Variants in ABI3BP observed in about 807,000 individuals in gnomAD.
The protein encoded by ABI3BP is ABI family member 3 binding protein, also known as target of Nesh-SH3.
Under a neutral mutation model 268.6 loss-of-function variants are expected in ABI3BP, and 216 were observed. The ratio of observed to expected loss-of-function variants is 0.80; its 90% CI spans 0.72 to 0.90. ABI3BP has a LOEUF of 0.90. Ranked by LOEUF, ABI3BP falls within the 40% of genes least tolerant of loss-of-function variation. ABI3BP has a pLI of 0.00. For synonymous variants in ABI3BP, 730 were observed against 730.0 expected, an observed-to-expected ratio of 1.00 and a Z score of 0.00; for missense variants, 2,090 against 2,182.4, an observed-to-expected ratio of 0.96 and a Z score of 0.84.
In ABI3BP at chr3:100,822,584, T is replaced by G; in HGVS notation, c.2887+5A>C. On this transcript the variant is annotated splice_donor_5th_base_variant and intron_variant, in intron 38 of 67. Coordinates refer to ENST00000471714, the MANE Select transcript of ABI3BP (RefSeq NM_001375547.2). Reference sequence around the variant, plus strand: ...GACTCTTTAAACCAGGAACACATAGTTTACCTGGTTTGGATTCAGGTGCTT... The same window carrying G: ...GACTCTTTAAACCAGGAACACATAGGTTACCTGGTTTGGATTCAGGTGCTT... 1.3e-6 allele frequency: 2 copies of G among 1,536,070 alleles called. No individual in the cohort carries two copies. Among genetic ancestry groups the G allele is most frequent in the Non-Finnish European group, 1.7e-6 (2 of 1,146,536 alleles).
At chr3:100,876,714 T>C (rs186846178) in intron 6 of ABI3BP, among the ~76,000 whole-genome samples, 154 bp from the exon 7 acceptor site, 1 of 152,076 alleles carries the variant, frequency 6.6e-6, no homozygotes, top group East Asian at 1.9e-4. Context: ...GCGTGGTGGC[T>C]CACACCTGTA....
chr3:100,816,221 T>TA (rs2098038195), intron 43 of ABI3BP: 5 of 485,750 alleles, frequency 1.0e-5, no homozygotes, highest in Middle Eastern at 5.5e-4. Context: ...TTCCTAGGTA[T>TA]TTGGTTTTCT....
chr3:100,834,063 T>G (rs2098538046), intron 29 of ABI3BP, among the ~76,000 whole-genome samples: 3 of 152,156 alleles, frequency 2.0e-5, no homozygotes, highest in Admixed American at 2.0e-4. Flanking sequence ...CTCGACTTCC[T>G]GGGCTCAAGC....
At chr3:100,843,671 A>C in intron 20 of ABI3BP, 1 of 984,584 alleles carries the variant, frequency 1.0e-6, no homozygotes, top group Non-Finnish European at 1.2e-6. Context: ...TGTGTAAGGG[A>C]GTGCATGTAT....
intron 23 of ABI3BP, 34 bp downstream of exon 23, chr3:100,840,038 T>C (rs776256160): frequency 8.1e-5 from 123 of 1,509,330 alleles, no homozygotes; most frequent in Non-Finnish European, 1.2e-5. Flanking sequence ...TATTCCACTT[T>C]CTATGTTAAT....
rs138742944 is a variant in ABI3BP at position 100,940,411 on chromosome 3, C to T, written c.80-13930G>A. Among the ~76,000 whole-genome samples, 568 of 152,112 alleles carry T rather than the reference C, an allele frequency of 3.7e-3. 4 individuals are homozygous for T. Among genetic ancestry groups the T allele is most frequent in the African/African-American group, 0.013 (535 of 41,514 alleles). Reference sequence around the variant, plus strand: ...CTTCTGCCATGACTTCAGCCGGTCCCTCCGTTTGGGATCCCTGACTTCCCG... The same window carrying T: ...CTTCTGCCATGACTTCAGCCGGTCCTTCCGTTTGGGATCCCTGACTTCCCG... On this transcript the variant is annotated intron_variant, in intron 1 of 67. Coordinates refer to ENST00000471714, the MANE Select transcript of ABI3BP (RefSeq NM_001375547.2).
intron 1 of ABI3BP, among the ~76,000 whole-genome samples, chr3:100,943,773 T>C (rs2070711067): frequency 6.6e-6 from 1 of 152,128 alleles, no homozygotes; most frequent in Middle Eastern, 3.2e-3. Context: ...AGATAGTTAT[T>C]AAAGCCAACA....
intron 1 of ABI3BP, among the ~76,000 whole-genome samples, chr3:100,977,369 C>A (rs926531036): frequency 4.6e-5 from 7 of 152,188 alleles, no homozygotes; most frequent in Non-Finnish European, 5.9e-5. Flanking sequence ...TTGGGAGGAG[C>A]TGAACTGGGC....
chr3:100,796,113 G>A (rs1161585051), intron 52 of ABI3BP, among the ~76,000 whole-genome samples: 1 of 151,942 alleles, frequency 6.6e-6, no homozygotes, highest in African/African-American at 2.4e-5. Flanking sequence ...TACATCCATA[G>A]TTGTAATGTA....
chr3:100,784,493 A>C (rs2096965168), intron 57 of ABI3BP, among the ~76,000 whole-genome samples: 2 of 152,220 alleles, frequency 1.3e-5, no homozygotes, highest in Admixed American at 1.3e-4. Context: ...AACTAATAGT[A>C]GAACTACCAT....
intron 55 of ABI3BP, among the ~76,000 whole-genome samples, chr3:100,789,863 C>T (rs1476541888): frequency 6.6e-6 from 1 of 151,918 alleles, no homozygotes; most frequent in African/African-American, 2.4e-5. Context: ...ATCTGTCCAT[C>T]CATCCATCCA....
At chr3:100,894,655 C>T (rs1010590341) in intron 4 of ABI3BP, among the ~76,000 whole-genome samples, 14 of 151,936 alleles carry the variant, frequency 9.2e-5, no homozygotes, top group African/African-American at 3.4e-4. Context: ...AGTAAGTAAA[C>T]ACGGCCGGGC....
chr3:100,885,525 CTG>C lies in ABI3BP; in HGVS notation c.696+9_696+10del, dbSNP rs1472014162. On this transcript the variant is annotated intron_variant, in intron 6 of 67. Transcript: ENST00000471714. ...TTTTAAAAACATTCTTGAAAATAAACTGTTACATACCACTGTGTGGTCTTGGT... is the reference window on the plus strand; with the variant it reads ...TTTTAAAAACATTCTTGAAAATAAACTTACATACCACTGTGTGGTCTTGGT... 1 of 1,476,516 alleles carries C rather than the reference CTG, an allele frequency of 6.8e-7. No homozygotes were observed. Among genetic ancestry groups the C allele is most frequent in the South Asian group, 1.4e-5 (1 of 71,476 alleles). 91.5% of individuals were successfully genotyped at this position (1,476,516 alleles called of 1,614,324 possible).
intron 1 of ABI3BP, among the ~76,000 whole-genome samples, chr3:100,990,267 A>C (rs1006857331): frequency 6.6e-6 from 1 of 152,198 alleles, no homozygotes; most frequent in Non-Finnish European, 1.5e-5. Flanking sequence ...ATTTATTGAA[A>C]ATCTGTTATG....
At chr3:100,820,810 A>C (rs113116251) in intron 39 of ABI3BP, among the ~76,000 whole-genome samples, 3,613 of 152,332 alleles carry the variant, frequency 0.024, 140 homozygotes, top group African/African-American at 0.083. Context: ...TGGATGACAA[A>C]ATAATTTCAG....
intron 1 of ABI3BP, among the ~76,000 whole-genome samples, chr3:100,968,499 T>C (rs1273324923): frequency 6.6e-6 from 1 of 152,190 alleles, no homozygotes; most frequent in Non-Finnish European, 1.5e-5. Context: ...ACTCAGATCT[T>C]AAAAACCATC....
At chr3:100,818,731 T>A (rs760509313) in intron 40 of ABI3BP, 150 bp from the exon 41 acceptor site, 1 of 690,860 alleles carries the variant, frequency 1.4e-6, no homozygotes, top group South Asian at 2.0e-5. Flanking sequence ...TATAGCCAGA[T>A]AAACAATTTT....
At chr3:100,960,114 A>G (rs2078473602) in intron 1 of ABI3BP, among the ~76,000 whole-genome samples, 1 of 152,244 alleles carries the variant, frequency 6.6e-6, no homozygotes, top group Non-Finnish European at 1.5e-5. Context: ...TAAGGCTCTC[A>G]TGGAAAAGGT....
Position 100,943,174 on chromosome 3 carries a change from CAA to C in ABI3BP, c.80-16695_80-16694del, listed in dbSNP as rs59500865. 7.1e-3 allele frequency among the ~76,000 whole-genome samples: 1,081 copies of C among 152,066 alleles called. 14 individuals carry two copies. Among genetic ancestry groups the C allele is most frequent in the African/African-American group, 0.024 (984 of 41,520 alleles). ...TTTATTATAAAAAATTTTAAACATA[CAA>C]AAACTTGAATTGTGTAGAGCATATC... On this transcript the variant is annotated intron_variant, in intron 1 of 67. Coordinates refer to ENST00000471714, the MANE Select transcript of ABI3BP (RefSeq NM_001375547.2).
Sources: gnomAD v4.1 joint callset for allele counts (sites outside exome capture counted in the v4.1 genomes callset) on GRCh38, gnomAD v4.1.1 for gene constraint, MANE v1.5 for transcripts, NCBI Gene and HGNC (gene_info 2026-07-23, HGNC 2026-07-21) for gene names.